Variants in ATG2B observed in about 807,000 individuals in gnomAD.
ATG2B encodes the protein autophagy-related protein 2 homolog B.
Under a neutral mutation model 241.3 loss-of-function variants are expected in ATG2B, and 121 were observed. The observed-to-expected ratio is 0.50, with a 90% CI of 0.43 to 0.58. The LOEUF is 0.58. Among genes scored for constraint, ATG2B ranks in the 20% least tolerant of loss-of-function variants. The pLI, the probability that ATG2B is intolerant of heterozygous loss-of-function variation, is 0.00. For missense variants in ATG2B, 2,306 were observed against 2,491.6 expected (o/e 0.93, Z 1.59); for synonymous variants, 858 against 876.6 (o/e 0.98, Z 0.37).
chr14:96,325,182 C>A (rs1887557484), intron 15 of ATG2B, among the ~76,000 whole-genome samples: 1 of 152,122 alleles, frequency 6.6e-6, no homozygotes, highest in Admixed American at 6.5e-5. Context: ...ACAACATGAT[C>A]TTGGTAGATA....
At chr14:96,339,450 A>G (rs575007459) in intron 6 of ATG2B, among the ~76,000 whole-genome samples, 1 of 152,160 alleles carries the variant, frequency 6.6e-6, no homozygotes, top group East Asian at 1.9e-4. Context: ...TGTGGTATAC[A>G]TACACACCAC....
chr14:96,304,454 T>A lies in ATG2B; in HGVS notation c.4842+41A>T, dbSNP rs145891902. ...GGATAACAAAAGAACCCCCCGCCAATATCCTACTTAAGTGGATTTTTCCTT... is the reference window on the plus strand; with the variant it reads ...GGATAACAAAAGAACCCCCCGCCAAAATCCTACTTAAGTGGATTTTTCCTT... On this transcript the variant is annotated intron_variant, in intron 32 of 41. Transcript: ENST00000359933. The A allele has an allele frequency of 2.0e-4, 296 of 1,484,964 alleles. 3 individuals carry two copies. The African/African-American group carries it at 3.7e-3, about 18-fold the overall frequency. The allele number at this position is 1,484,964 out of a possible 1,614,324, so 92.0% of individuals were successfully genotyped here.
chr14:96,336,471 A>C (rs1887871050), intron 6 of ATG2B, among the ~76,000 whole-genome samples: 1 of 152,228 alleles, frequency 6.6e-6, no homozygotes, highest in African/African-American at 2.4e-5. Context: ...ACACAATGCC[A>C]CTACGCAGTT....
At chr14:96,338,131 G>A (rs1197439702) in intron 6 of ATG2B, among the ~76,000 whole-genome samples, 1 of 152,064 alleles carries the variant, frequency 6.6e-6, no homozygotes. Context: ...CGTGTACGCT[G>A]ATTTTGTAAC....
Position 96,290,904 on chromosome 14 carries a change from CAT to C in ATG2B, c.5609_5610del (p.Tyr1870CysfsTer4). On this transcript the variant is annotated frameshift_variant, in exon 39 of 42. Transcript: ENST00000359933. LOFTEE classifies it high-confidence loss of function. This position sits in a 1 kb window ranked among gnomAD's most constrained non-coding sequence, Gnocchi z 4.4. The stretch of plus-strand genomic sequence containing the variant: ...ATGTCATTAAGCCACTCAGTGATTG[CAT>C]ATGAGAATAATTTGTCAACGCCTAG... ...GLLGVDKLFS[Y>X]AITEWLNDIK... 6.2e-7 allele frequency: 1 copy of C among 1,611,978 alleles called. No homozygotes were observed. The highest frequency in any genetic ancestry group is 1.1e-5 in the South Asian group (1 of 90,388).
intron 12 of ATG2B, among the ~76,000 whole-genome samples, chr14:96,329,251 A>G (rs965473045): frequency 6.6e-6 from 1 of 152,150 alleles, no homozygotes; most frequent in Non-Finnish European, 1.5e-5. Context: ...CTCATAACCC[A>G]CCTGTCACTC....
chr14:96,303,443 T>G (rs1224712137), intron 32 of ATG2B, among the ~76,000 whole-genome samples, 188 bp from the exon 33 acceptor site: 1 of 152,200 alleles, frequency 6.6e-6, no homozygotes, highest in Non-Finnish European at 1.5e-5. Context: ...TAATCTACAG[T>G]GCTCCCTGCT....
intron 1 of ATG2B, among the ~76,000 whole-genome samples, chr14:96,362,070 T>C (rs1436846599): frequency 6.6e-6 from 1 of 152,058 alleles, no homozygotes; most frequent in East Asian, 1.9e-4. Context: ...AGCACCTGTA[T>C]AGCAATGAGT....
chr14:96,361,750 G>A (rs894437821), intron 1 of ATG2B, among the ~76,000 whole-genome samples: 3 of 152,076 alleles, frequency 2.0e-5, no homozygotes, highest in Non-Finnish European at 4.4e-5. Flanking sequence ...CCTGGTGAGC[G>A]ACTGGGTCTT....
intron 1 of ATG2B, among the ~76,000 whole-genome samples, chr14:96,359,610 C>T (rs1239865448): frequency 6.6e-6 from 1 of 152,138 alleles, no homozygotes; most frequent in Non-Finnish European, 1.5e-5. Flanking sequence ...GTCATTAAAT[C>T]CAACTTCCCA....
At chr14:96,324,284 A>C (rs1887534017) in intron 15 of ATG2B, 1 of 295,538 alleles carries the variant, frequency 3.4e-6, no homozygotes, top group South Asian at 5.9e-5. Flanking sequence ...AAGTGCTATT[A>C]GTGATTATTT....
rs748690796 is a variant in ATG2B at position 96,332,485 on chromosome 14, TTAAG to T, written c.1362+12_1362+15del. The T allele has an allele frequency of 9.9e-6, 16 of 1,611,504 alleles. No individual in the cohort carries two copies. The highest frequency in any genetic ancestry group is 1.7e-4 in the Middle Eastern group (1 of 6,036). ...GCAACTTTTCAGTCTAGAAGAAAAA[TTAAG>T]TAATACTTTACCACAGTAGCACTTA... On this transcript the variant is annotated intron_variant, in intron 9 of 41. Coordinates refer to ENST00000359933, the MANE Select transcript of ATG2B (RefSeq NM_018036.7).
Position 96,343,150 on chromosome 14 carries a change from T to A in ATG2B, c.713A>T (p.Lys238Ile), listed in dbSNP as rs199717949. The A allele has an allele frequency of 6.9e-5, 110 of 1,603,358 alleles. No individual in the cohort carries two copies. The highest frequency in any genetic ancestry group is 8.9e-5 in the Non-Finnish European group (104 of 1,174,460). Residue 238 changes from lysine to isoleucine, a missense_variant, in exon 5 of 42, where the codon AAA (lysine) becomes ATA (isoleucine). By Grantham distance (102) the Lys-to-Ile change is moderately radical (BLOSUM62 -3). This residue lies in a region of ATG2B where 1,927 missense variants were observed against 2,011.2 expected (regional missense o/e 0.96). Transcript: ENST00000359933. ...LFWDEFSASA[K>I]SSPVCSTAPV... The stretch of plus-strand genomic sequence containing the variant: ...TGCAGTTGAACACACTGGGGAAGAT[T>A]TGGCTGATGCAGAAAACTCATCCCA...
At chr14:96,299,560 G>A (rs1040487658) in intron 34 of ATG2B, among the ~76,000 whole-genome samples, 1 of 152,100 alleles carries the variant, frequency 6.6e-6, no homozygotes, top group Non-Finnish European at 1.5e-5. Flanking sequence ...AGAGTTCCAG[G>A]CAGTACAAAA....
In ATG2B at chr14:96,325,799, A is replaced by T. The variant is rs1021803843; in HGVS notation, c.2287T>A (p.Ser763Thr). The T allele has an allele frequency of 6.2e-7, 1 of 1,614,008 alleles. No homozygotes were observed. The highest frequency in any genetic ancestry group is 8.5e-7 in the Non-Finnish European group (1 of 1,179,964). Residue 763 changes from serine to threonine, a missense_variant, in exon 15 of 42, where the codon TCT becomes ACT. By Grantham distance (58) the Ser-to-Thr change is moderately conservative (BLOSUM62 1). Transcript: ENST00000359933. ...AACCATGGTCCTCTTTCTTGATCAG[A>T]TCGAAGATCAGGTATTGGGAAGCGA... ...SVRFPIPDLRSDQERGPWFKK... is the reference protein window; with the variant it reads ...SVRFPIPDLRTDQERGPWFKK...
At chr14:96,299,943 C>T (rs544792622) in intron 34 of ATG2B, among the ~76,000 whole-genome samples, 19 of 152,140 alleles carry the variant, frequency 1.2e-4, no homozygotes, top group African/African-American at 4.6e-4. Flanking sequence ...TCTACTCAGA[C>T]GACCATTTAC....
intron 5 of ATG2B, 83 bp downstream of exon 5, chr14:96,343,036 C>T: frequency 1.9e-6 from 2 of 1,046,818 alleles, no homozygotes; most frequent in Non-Finnish European, 1.3e-6. Context: ...ACATATTATA[C>T]ATCCTAGCAA....
intron 24 of ATG2B, 76 bp downstream of exon 24, chr14:96,313,253 T>C: frequency 1.5e-6 from 2 of 1,355,078 alleles, no homozygotes; most frequent in Non-Finnish European, 2.1e-6. Flanking sequence ...ACCTTAACTC[T>C]ACTGAATTAT....
intron 5 of ATG2B, among the ~76,000 whole-genome samples, chr14:96,342,884 A>G (rs1174252431): frequency 1.3e-5 from 2 of 152,134 alleles, no homozygotes; most frequent in Admixed American, 6.5e-5. Flanking sequence ...TTTTCCCCCA[A>G]GATACAGTAC....
Sources: allele counts gnomAD v4.1 joint callset (sites outside exome capture counted in the v4.1 genomes callset), GRCh38; gene constraint gnomAD v4.1.1; regional missense constraint gnomAD v4.1.1; non-coding constraint Gnocchi (gnomAD v3.1); transcripts MANE v1.5; gene names NCBI Gene and HGNC (gene_info 2026-07-23, HGNC 2026-07-21).